The following ZC2HC1A variants were observed in gnomAD, a reference collection of about 807,000 sequenced individuals.
ZC2HC1A encodes the protein zinc finger C2HC domain-containing protein 1A.
ZC2HC1A carries 28 observed loss-of-function variants against 40.7 expected under a neutral mutation model. That is an observed-to-expected ratio of 0.69 (90% CI 0.51 to 0.94). The LOEUF (loss-of-function observed/expected upper bound fraction) is 0.94, where lower values mean the gene tolerates loss of function less well. Among genes scored for constraint, ZC2HC1A ranks in the 40% least tolerant of loss-of-function variants. The pLI, the probability that ZC2HC1A is intolerant of heterozygous loss-of-function variation, is 0.00. For missense variants in ZC2HC1A, 389 were observed against 386.3 expected (o/e 1.01, Z -0.06); for synonymous variants, 129 against 129.2 (o/e 1.00, Z 0.01).
intron 2 of ZC2HC1A, among the ~76,000 whole-genome samples, chr8:78,676,555 T>C (rs896665263): frequency 6.6e-6 from 1 of 152,002 alleles, no homozygotes; most frequent in African/African-American, 2.4e-5. Flanking sequence ...AATACTTTAA[T>C]GTAAGACAGA....
chr8:78,683,264 C>G (rs981010244), intron 3 of ZC2HC1A, among the ~76,000 whole-genome samples: 1 of 152,252 alleles, frequency 6.6e-6, no homozygotes, highest in Non-Finnish European at 1.5e-5. Flanking sequence ...TCTTATTTCC[C>G]TTTTGCAGTG....
chr8:78,666,275 G>A, intron 1 of ZC2HC1A, 111 bp downstream of exon 1: 1 of 1,483,824 alleles, frequency 6.7e-7, no homozygotes, highest in Non-Finnish European at 9.1e-7. Flanking sequence ...GGCGGACCTC[G>A]CCGCGTCCCG....
At chr8:78,701,756 C>T (rs1440580887) in intron 7 of ZC2HC1A, among the ~76,000 whole-genome samples, 1 of 152,032 alleles carries the variant, frequency 6.6e-6, no homozygotes, top group Non-Finnish European at 1.5e-5. Context: ...TAATCATGTG[C>T]TTTTTGTCTT....
chr8:78,697,006 T>C (rs1313085862), intron 5 of ZC2HC1A, among the ~76,000 whole-genome samples: 1 of 152,198 alleles, frequency 6.6e-6, no homozygotes, highest in Non-Finnish European at 1.5e-5. Flanking sequence ...TTGCTGTTAG[T>C]TTGTTTTAGC....
chr8:78,686,115 T>A (rs1285980627), intron 3 of ZC2HC1A, among the ~76,000 whole-genome samples: 3 of 152,202 alleles, frequency 2.0e-5, no homozygotes, highest in Admixed American at 1.3e-4. Flanking sequence ...ACCTTTCAGA[T>A]GTCCCCACCT....
chr8:78,696,707 G>A (rs1810428510), intron 5 of ZC2HC1A, among the ~76,000 whole-genome samples: 1 of 152,184 alleles, frequency 6.6e-6, no homozygotes, highest in Non-Finnish European at 1.5e-5. Context: ...GGATCGTGAA[G>A]CCAGAATTAG....
intron 2 of ZC2HC1A, among the ~76,000 whole-genome samples, chr8:78,677,736 G>T (rs1052014387): frequency 6.6e-6 from 1 of 151,938 alleles, no homozygotes; most frequent in African/African-American, 2.4e-5. Flanking sequence ...ACAGAAAAAG[G>T]GTCCCAATCC....
intron 8 of ZC2HC1A, 62 bp downstream of exon 8, chr8:78,715,390 G>C: frequency 7.0e-7 from 1 of 1,430,974 alleles, no homozygotes; most frequent in Non-Finnish European, 9.5e-7. Context: ...AGTTTTCCAA[G>C]GACCATACAC....
chr8:78,686,367 G>A, intron 3 of ZC2HC1A, 100 bp from the exon 4 acceptor site: 1 of 1,032,088 alleles, frequency 9.7e-7, no homozygotes, highest in East Asian at 3.2e-5. Flanking sequence ...CCTGATAAGA[G>A]AACATTTAAA....
At chr8:78,712,404 A>C (rs1810979385) in intron 7 of ZC2HC1A, among the ~76,000 whole-genome samples, 1 of 152,228 alleles carries the variant, frequency 6.6e-6, no homozygotes, top group South Asian at 2.1e-4. Flanking sequence ...TTTTAGTAGT[A>C]ATTAGGGTTT....
intron 1 of ZC2HC1A, among the ~76,000 whole-genome samples, chr8:78,670,031 G>A (rs1809400625): frequency 6.9e-6 from 1 of 144,928 alleles, no homozygotes; most frequent in African/African-American, 2.5e-5. Flanking sequence ...GCAGTGGCAT[G>A]ATCTGGGCTC....
At chr8:78,666,856 A>G (rs1457709839) in intron 1 of ZC2HC1A, among the ~76,000 whole-genome samples, 3 of 152,160 alleles carry the variant, frequency 2.0e-5, no homozygotes, top group Admixed American at 2.0e-4. Flanking sequence ...CTTTGTTCCC[A>G]GTTCTTTCAC....
intron 2 of ZC2HC1A, among the ~76,000 whole-genome samples, chr8:78,677,011 C>A (rs1809604071): frequency 6.6e-6 from 1 of 151,892 alleles, no homozygotes; most frequent in South Asian, 2.1e-4. Context: ...TACTTAAGAG[C>A]TGTAATTACA....
intron 7 of ZC2HC1A, among the ~76,000 whole-genome samples, chr8:78,705,780 T>G (rs902075503): frequency 2.6e-5 from 4 of 152,168 alleles, no homozygotes; most frequent in African/African-American, 9.6e-5. Context: ...CCTGCAGGGC[T>G]GGCTGGAGGT....
chr8:78,668,811 G>C (rs921249502), intron 1 of ZC2HC1A, among the ~76,000 whole-genome samples: 1 of 152,178 alleles, frequency 6.6e-6, no homozygotes, highest in Non-Finnish European at 1.5e-5. Context: ...AGACTTGAGA[G>C]AGTTCCAATC....
chr8:78,692,131 A>G (rs1323640167), intron 5 of ZC2HC1A, among the ~76,000 whole-genome samples: 1 of 152,202 alleles, frequency 6.6e-6, no homozygotes, highest in South Asian at 2.1e-4. Context: ...ATATCTCAAA[A>G]TAAAAACCAC....
chr8:78,694,753 C>A (rs1810344209), intron 5 of ZC2HC1A, among the ~76,000 whole-genome samples: 1 of 152,012 alleles, frequency 6.6e-6, no homozygotes, highest in African/African-American at 2.4e-5. Context: ...AGTCATTAGT[C>A]TTTGTATAAA....
chr8:78,713,568 A>G (rs539440331), intron 7 of ZC2HC1A, among the ~76,000 whole-genome samples: 2 of 152,302 alleles, frequency 1.3e-5, no homozygotes, highest in African/African-American at 4.8e-5. Context: ...CAACATCCCC[A>G]AAGAGGCTAT....
At chr8:78,678,737 T>C in intron 3 of ZC2HC1A, 58 bp downstream of exon 3, 1 of 1,167,908 alleles carries the variant, frequency 8.6e-7, no homozygotes, top group Non-Finnish European at 1.2e-6. Flanking sequence ...TTGAAAAATA[T>C]TATATTATCT....
Sources: allele counts gnomAD v4.1 joint callset (sites outside exome capture counted in the v4.1 genomes callset), GRCh38; gene constraint gnomAD v4.1.1; transcripts MANE v1.5; gene names NCBI Gene and HGNC (gene_info 2026-07-23, HGNC 2026-07-21).